The following DLG2 variants were observed in gnomAD, a reference collection of about 807,000 sequenced individuals.
DLG2 encodes the protein disks large homolog 2.
DLG2 carries 45 observed loss-of-function variants against 132.5 expected under a neutral mutation model. That is an observed-to-expected ratio of 0.34 (90% CI 0.27 to 0.44). The LOEUF is 0.44. DLG2 is among the 20% of genes least tolerant of loss of function. DLG2 has a pLI of 1.00. For synonymous variants in DLG2, 424 were observed against 419.6 expected, an observed-to-expected ratio of 1.01 and a Z score of -0.13; for missense variants, 1,045 against 1,196.9, an observed-to-expected ratio of 0.87 and a Z score of 1.87.
At chr11:84,861,447 T>A (rs2083610219) in intron 6 of DLG2, among the ~76,000 whole-genome samples, 1 of 151,964 alleles carries the variant, frequency 6.6e-6, no homozygotes, top group South Asian at 2.1e-4. Flanking sequence ...TTCATACTAC[T>A]GGCATAGTAA....
intron 7 of DLG2, among the ~76,000 whole-genome samples, chr11:84,528,953 C>A (rs982654542): frequency 6.6e-6 from 1 of 152,214 alleles, no homozygotes; most frequent in East Asian, 1.9e-4. Context: ...ATGAGAGCCT[C>A]ATGTGCCTCC....
intron 4 of DLG2, among the ~76,000 whole-genome samples, chr11:85,176,224 C>T (rs1001368321): frequency 2.6e-5 from 4 of 152,088 alleles, no homozygotes; most frequent in Middle Eastern, 3.2e-3. Flanking sequence ...TACTACAGGG[C>T]TACAACAACC....
chr11:83,475,939 G>T (rs1199584972), intron 22 of DLG2, among the ~76,000 whole-genome samples: 1 of 152,032 alleles, frequency 6.6e-6, no homozygotes, highest in Non-Finnish European at 1.5e-5. Context: ...GCTGTGTGTG[G>T]ATGTCAGCAG....
At chr11:83,956,052 A>G (rs945703992) in intron 14 of DLG2, among the ~76,000 whole-genome samples, 2 of 151,936 alleles carry the variant, frequency 1.3e-5, no homozygotes, top group Non-Finnish European at 2.9e-5. Context: ...TTATGCATCC[A>G]TCCTATTATT....
At chr11:84,462,799 AGTG>A (rs1372380956) in intron 7 of DLG2, among the ~76,000 whole-genome samples, 1 of 151,112 alleles carries the variant, frequency 6.6e-6, no homozygotes, top group African/African-American at 2.4e-5. Flanking sequence ...CAAAACTATT[AGTG>A]GCCAACGTAA....
chr11:83,790,608 C>T, intron 17 of DLG2: 1 of 1,316,564 alleles, frequency 7.6e-7, no homozygotes, highest in Non-Finnish European at 1.1e-6. Flanking sequence ...ACTGAAGTTC[C>T]TTTGGATTTG....
chr11:84,001,759 A>G (rs2154046536), intron 11 of DLG2, among the ~76,000 whole-genome samples: 1 of 152,300 alleles, frequency 6.6e-6, no homozygotes, highest in East Asian at 1.9e-4. Context: ...ATCACATGGA[A>G]TAAAATTATA....
intron 3 of DLG2, among the ~76,000 whole-genome samples, chr11:85,306,927 C>T (rs1355190758): frequency 6.6e-6 from 1 of 152,102 alleles, no homozygotes; most frequent in Non-Finnish European, 1.5e-5. Flanking sequence ...GCTCTAAATT[C>T]TATTAGTAAA....
intron 6 of DLG2, among the ~76,000 whole-genome samples, chr11:85,007,099 T>C (rs1366702697): frequency 1.3e-5 from 2 of 152,170 alleles, no homozygotes; most frequent in African/African-American, 4.8e-5. Flanking sequence ...ACTCCGTGAA[T>C]TAGAAGTCAT....
intron 18 of DLG2, among the ~76,000 whole-genome samples, chr11:83,761,803 C>G (rs1334375886): frequency 6.6e-6 from 1 of 152,186 alleles, no homozygotes; most frequent in Non-Finnish European, 1.5e-5. Context: ...CTCATAAACT[C>G]ACTACCTAGC....
At chr11:83,882,719 T>C (rs2154076559) in intron 15 of DLG2, among the ~76,000 whole-genome samples, 1 of 152,324 alleles carries the variant, frequency 6.6e-6, no homozygotes, top group African/African-American at 2.4e-5. Flanking sequence ...AAATGAAATG[T>C]TTAAATCCAA....
intron 6 of DLG2, among the ~76,000 whole-genome samples, chr11:84,552,461 C>T (rs570898312): frequency 1.8e-4 from 28 of 152,234 alleles, no homozygotes; most frequent in South Asian, 1.2e-3. Context: ...ATGTCTTTAA[C>T]GTCAAAGTTC....
intron 26 of DLG2, among the ~76,000 whole-genome samples, chr11:83,466,364 A>C (rs1326663502): frequency 2.6e-5 from 4 of 152,188 alleles, no homozygotes; most frequent in Non-Finnish European, 5.9e-5. Context: ...CAAAAAACCA[A>C]ATCAAGCCAA....
intron 3 of DLG2, among the ~76,000 whole-genome samples, chr11:85,471,363 G>C (rs998619010): frequency 2.0e-5 from 3 of 151,928 alleles, no homozygotes; most frequent in Non-Finnish European, 4.4e-5. Flanking sequence ...AATCCCCCAT[G>C]AAAAATAGCC....
chr11:85,061,185 C>T (rs1029642286), intron 6 of DLG2, among the ~76,000 whole-genome samples: 4 of 151,702 alleles, frequency 2.6e-5, no homozygotes, highest in African/African-American at 9.7e-5. Flanking sequence ...GTTGCCTTTT[C>T]ACTCTGTTGT....
chr11:84,322,171 T>C lies in DLG2; in HGVS notation c.520-70880A>G, dbSNP rs555027438. ...GTATCTTTCAATGATCACATCAATATAGGTATTCTGGTCTGTGTTCTACTT... is the reference window on the plus strand; with the variant it reads ...GTATCTTTCAATGATCACATCAATACAGGTATTCTGGTCTGTGTTCTACTT... On this transcript the variant is annotated intron_variant, in intron 7 of 27. Coordinates refer to ENST00000376104, the MANE Select transcript of DLG2 (RefSeq NM_001142699.3). Among the ~76,000 whole-genome samples the C allele has an allele frequency of 4.6e-5, 7 of 152,334 alleles. No homozygotes were observed. The East Asian group carries it at 1.4e-3, about 29-fold the overall frequency.
chr11:84,483,326 G>A (rs937491661), intron 7 of DLG2, among the ~76,000 whole-genome samples: 2 of 151,008 alleles, frequency 1.3e-5, no homozygotes, highest in Admixed American at 6.6e-5. Flanking sequence ...CAGCTACTTG[G>A]GAGGCTAAGG....
At chr11:85,168,833 G>A (rs970692302) in intron 4 of DLG2, among the ~76,000 whole-genome samples, 9 of 152,012 alleles carry the variant, frequency 5.9e-5, no homozygotes, top group Admixed American at 6.6e-5. Flanking sequence ...CAATGTCTTC[G>A]TCATTGCAAA....
rs1269807468 is a variant in DLG2, at chr11:85,010,053, A to C, written c.357+101608T>G. On this transcript the variant is annotated intron_variant, in intron 6 of 27. Transcript: ENST00000376104. ...GTTTTCAGGTGTGTAGGCAATAAGT[A>C]CAAGCTGGGGTACCTATAGTCAAAA... Among the ~76,000 whole-genome samples, 4 of 152,258 alleles carry C rather than the reference A, an allele frequency of 2.6e-5. No individual in the cohort carries two copies. The East Asian group carries it at 7.7e-4, about 29-fold the overall frequency.
Sources: allele counts gnomAD v4.1 joint callset (sites outside exome capture counted in the v4.1 genomes callset), GRCh38; gene constraint gnomAD v4.1.1; transcripts MANE v1.5; gene names NCBI Gene and HGNC (gene_info 2026-07-23, HGNC 2026-07-21).